COL25A1: variants seen among roughly 807,000 people sequenced by gnomAD.
COL25A1 encodes the protein collagen alpha-1(XXV) chain.
COL25A1 carries 103 observed loss-of-function variants against 128.4 expected under a neutral mutation model. The observed-to-expected ratio is 0.80, with a 90% confidence interval of 0.68 to 0.94. The LOEUF is 0.94. Ranked by LOEUF, COL25A1 falls within the 40% of genes least tolerant of loss-of-function variation. The pLI, the probability that COL25A1 is intolerant of heterozygous loss-of-function variation, is 0.00. For missense variants in COL25A1, 745 were observed against 840.0 expected (o/e 0.89, Z 1.40); for synonymous variants, 279 against 277.2 (o/e 1.01, Z -0.06).
chr4:108,839,670 T>G (rs946792748), intron 31 of COL25A1, among the ~76,000 whole-genome samples: 1 of 152,236 alleles, frequency 6.6e-6, no homozygotes, highest in Non-Finnish European at 1.5e-5. Context: ...GCAAATAACC[T>G]AAACTGTTTG....
chr4:109,221,114 G>A (rs534200172), intron 3 of COL25A1, among the ~76,000 whole-genome samples: 209 of 128,554 alleles, frequency 1.6e-3, no homozygotes, highest in African/African-American at 8.1e-3. Flanking sequence ...ATATGCATAA[G>A]ATATTAAGTA....
intron 3 of COL25A1, among the ~76,000 whole-genome samples, chr4:109,189,673 G>T (rs1560837346): frequency 6.6e-6 from 1 of 151,528 alleles, no homozygotes; most frequent in Non-Finnish European, 1.5e-5. Flanking sequence ...GTCCACCTCA[G>T]CACTGTATCT....
At chr4:109,233,132 T>C (rs1370405133) in intron 3 of COL25A1, among the ~76,000 whole-genome samples, 2 of 152,186 alleles carry the variant, frequency 1.3e-5, no homozygotes, top group Non-Finnish European at 2.9e-5. Context: ...GGACCTGGGG[T>C]TGTTTTTATT....
intron 6 of COL25A1, among the ~76,000 whole-genome samples, chr4:108,998,466 T>C (rs923618938): frequency 3.3e-5 from 5 of 152,010 alleles, no homozygotes; most frequent in Non-Finnish European, 7.4e-5. Flanking sequence ...AAATAAAAGA[T>C]GACACAAACA....
chr4:108,911,437 TTTCATATAATTGTTCATTTAATC>T (rs70949057), intron 13 of COL25A1, among the ~76,000 whole-genome samples: 3 of 150,912 alleles, frequency 2.0e-5, no homozygotes, highest in Admixed American at 1.3e-4. Context: ...TCTATAGATT[TTTCATATAATTGTTCATTTAATC>T]TTCATATAAT....
At chr4:109,110,379 T>C (rs1280645734) in intron 3 of COL25A1, among the ~76,000 whole-genome samples, 1 of 152,184 alleles carries the variant, frequency 6.6e-6, no homozygotes, top group East Asian at 1.9e-4. Flanking sequence ...CTGCTATGTA[T>C]AGACCCCATT....
At chr4:108,841,763 C>T in intron 30 of COL25A1, 42 bp from the exon 31 acceptor site, 3 of 1,475,832 alleles carry the variant, frequency 2.0e-6, no homozygotes, top group Non-Finnish European at 2.8e-6. Flanking sequence ...AATTGATTCC[C>T]TGTTTCCCAG....
intron 3 of COL25A1, among the ~76,000 whole-genome samples, chr4:109,125,874 T>A (rs1317771155): frequency 6.6e-6 from 1 of 152,308 alleles, no homozygotes; most frequent in South Asian, 2.1e-4. Context: ...TTTTCTTGAA[T>A]GATTATTAAA....
Position 109,149,037 on chromosome 4 carries a change from A to T in COL25A1, c.368-98858T>A, listed in dbSNP as rs145762587. On this transcript the variant is annotated intron_variant, in intron 3 of 37. Coordinates refer to ENST00000399132, the MANE Select transcript of COL25A1 (RefSeq NM_198721.4). ...TCTTCCACAAGTTTATCATCACAAC[A>T]TCCTTCAATTGTATTATCATACATG... Among the ~76,000 whole-genome samples, 863 of 152,284 alleles carry T rather than the reference A, an allele frequency of 5.7e-3. 11 individuals carry two copies. Among genetic ancestry groups the T allele is most frequent in the African/African-American group, 0.02 (819 of 41,554 alleles).
chr4:109,299,384 T>G (rs577969815), intron 3 of COL25A1, among the ~76,000 whole-genome samples: 1 of 152,206 alleles, frequency 6.6e-6, no homozygotes, highest in Admixed American at 6.5e-5. Flanking sequence ...TTCTGGTACC[T>G]AACATATATG....
chr4:109,059,502 A>T (rs1256785312), intron 3 of COL25A1, among the ~76,000 whole-genome samples: 1 of 152,228 alleles, frequency 6.6e-6, no homozygotes, highest in African/African-American at 2.4e-5. Context: ...CCCTTTATTT[A>T]AAATCTTTGT....
At chr4:109,223,296 T>C (rs1038554934) in intron 3 of COL25A1, among the ~76,000 whole-genome samples, 5 of 152,094 alleles carry the variant, frequency 3.3e-5, no homozygotes, top group African/African-American at 1.2e-4. Context: ...CTAACACGTC[T>C]ATTGTAACCA....
chr4:109,180,717 T>C (rs1304733097), intron 3 of COL25A1, among the ~76,000 whole-genome samples: 1 of 152,072 alleles, frequency 6.6e-6, no homozygotes, highest in African/African-American at 2.4e-5. Context: ...AAAATAAGCT[T>C]CAAACCTACA....
chr4:109,294,369 T>C (rs930877477), intron 3 of COL25A1, among the ~76,000 whole-genome samples: 2 of 152,176 alleles, frequency 1.3e-5, no homozygotes, highest in Non-Finnish European at 2.9e-5. Context: ...CACTTACTTC[T>C]GCTTCTCACT....
chr4:108,817,488 C>T, intron 36 of COL25A1, 53 bp from the exon 37 acceptor site: 2 of 1,534,552 alleles, frequency 1.3e-6, no homozygotes, highest in Non-Finnish European at 1.8e-6. Flanking sequence ...AGTGATTAAA[C>T]TTCATAATTC....
chr4:109,036,893 A>G (rs1192224081), intron 5 of COL25A1, among the ~76,000 whole-genome samples: 1 of 152,222 alleles, frequency 6.6e-6, no homozygotes, highest in Non-Finnish European at 1.5e-5. Flanking sequence ...GTTGTTAATA[A>G]TGCTCTCTGG....
At chr4:109,126,359 A>G (rs1042353438) in intron 3 of COL25A1, among the ~76,000 whole-genome samples, 1 of 152,190 alleles carries the variant, frequency 6.6e-6, no homozygotes. Context: ...AATAAAATCT[A>G]AATCCAACTC....
intron 3 of COL25A1, among the ~76,000 whole-genome samples, chr4:109,289,604 T>C (rs562593748): frequency 8.5e-5 from 13 of 152,218 alleles, no homozygotes; most frequent in African/African-American, 2.9e-4. Context: ...CCAAGGGTGA[T>C]GAAGCTCCAA....
At chr4:109,192,618 G>C (rs1220908902) in intron 3 of COL25A1, among the ~76,000 whole-genome samples, 1 of 152,192 alleles carries the variant, frequency 6.6e-6, no homozygotes, top group Non-Finnish European at 1.5e-5. Context: ...ACTTTGGGAG[G>C]TCGAGGCGGC....
Sources: allele counts gnomAD v4.1 joint callset (sites outside exome capture counted in the v4.1 genomes callset), GRCh38; gene constraint gnomAD v4.1.1; transcripts MANE v1.5; gene names NCBI Gene and HGNC (gene_info 2026-07-23, HGNC 2026-07-21).